The following MAX variants were observed in gnomAD, a reference collection of about 807,000 sequenced individuals.
MAX encodes the protein protein max.
In MAX, 3 loss-of-function variants were observed where a neutral mutation model predicts 22.3. That is an observed-to-expected ratio of 0.13 (90% CI 0.06 to 0.35). The LOEUF is 0.35. Among genes scored for constraint, MAX ranks in the 10% least tolerant of loss-of-function variants. The pLI is 1.00. For synonymous variants in MAX, 72 were observed against 77.7 expected (o/e 0.93, Z 0.39); for missense variants, 119 against 209.4 (o/e 0.57, Z 2.66).
downstream of MAX, among the ~76,000 whole-genome samples, chr14:65,072,683 CTT>C (rs957487620): frequency 3.3e-5 from 5 of 152,220 alleles, no homozygotes; most frequent in African/African-American, 4.8e-5. Flanking sequence ...AAGGATCCCA[CTT>C]TGAGTAACAC....
intron 3 of MAX, among the ~76,000 whole-genome samples, chr14:65,033,181 G>A (rs773668475): frequency 1.3e-5 from 2 of 152,130 alleles, no homozygotes; most frequent in Admixed American, 6.5e-5. Context: ...GAATGAACTA[G>A]AGTTACATGT....
rs1555335876 is a variant in MAX, at chr14:65,037,403, C to CTTTTTTTTTTTTTT, written c.172-31133_172-31120dup. 9.8e-4 allele frequency among the ~76,000 whole-genome samples: 29 copies of CTTTTTTTTTTTTTT among 29,680 alleles called. 4 individuals carry two copies. Among genetic ancestry groups the CTTTTTTTTTTTTTT allele is most frequent in the Non-Finnish European group, 1.8e-3 (24 of 13,694 alleles). 19.5% of individuals were successfully genotyped at this position (29,680 alleles called of 152,430 possible). A position where few individuals can be genotyped will look rare whatever the true frequency, so the allele number is the denominator to read the frequency against. ...TAGGCGTGAGCCACCACGCCGGGCC[C>CTTTTTTTTTTTTTT]TTTTTTTTTTTTTTTTTTTTTTTTT... is the stretch of plus-strand genomic sequence containing the variant. On this transcript the variant is annotated intron_variant, in intron 3 of 3. Transcript: ENST00000341653.
intron 3 of MAX, among the ~76,000 whole-genome samples, chr14:65,066,816 T>G (rs556247012): frequency 6.9e-6 from 1 of 144,384 alleles, no homozygotes; most frequent in South Asian, 2.2e-4. Flanking sequence ...GAGCTGAGAT[T>G]GCACCCTTGC....
In MAX at chr14:65,075,415, A is replaced by T; in HGVS notation, c.*1061T>A. ...TGGAGACAGGTTCCAGGACAGTAGG[A>T]AAGGAAGTGGGATGAGGGCTGGGAA... On this transcript the variant is annotated 3_prime_UTR_variant, in exon 5 of 5. Coordinates refer to ENST00000358664, the MANE Select transcript of MAX (RefSeq NM_002382.5). The surrounding 1 kb of genome is among the most constrained non-coding windows in gnomAD (Gnocchi z 4.1). The T allele has an allele frequency of 9.4e-7, 1 of 1,063,640 alleles. No homozygotes were observed. The highest frequency in any genetic ancestry group is 1.1e-6 in the Non-Finnish European group (1 of 877,924). 65.9% of individuals were successfully genotyped at this position (1,063,640 alleles called of 1,614,324 possible).
At chr14:65,102,616 T>A, upstream of MAX, 1 of 1,284,082 alleles carries the variant, frequency 7.8e-7, no homozygotes, top group Non-Finnish European at 9.9e-7. Flanking sequence ...TTCTTGTCCC[T>A]CTAACAGACG....
At position 65,031,739 on chromosome 14, in the gene MAX, G is replaced by A. The variant is rs2062089155; in HGVS notation, c.172-25455C>T. Among the ~76,000 whole-genome samples, 1 of 152,102 alleles carries A rather than the reference G, an allele frequency of 6.6e-6. No individual in the cohort carries two copies. The highest frequency in any genetic ancestry group is 2.4e-5 in the African/African-American group (1 of 41,454). ...AGTTTGAAACCAGCCTAGCCAACAT[G>A]GCGAAACCCCATCTCCACTAAAAAT... On this transcript the variant is annotated intron_variant, in intron 3 of 3. Coordinates refer to the MAX transcript ENST00000341653. This position sits in a 1 kb window ranked among gnomAD's most constrained non-coding sequence, Gnocchi z 4.6.
rs1296417246 is a variant in MAX, at chr14:65,076,740, G to C, written c.296-77C>G. 1 of 1,568,256 alleles carries C rather than the reference G, an allele frequency of 6.4e-7. No individual in the cohort carries two copies. The highest frequency in any genetic ancestry group is 1.4e-5 in the African/African-American group (1 of 73,938). ...AACCGAGTCTCAGACTCAGGGTCCA[G>C]CCTGTTCTTCCTAAGGGCTTGCTTG... On this transcript the variant is annotated intron_variant, in intron 4 of 4. Coordinates refer to ENST00000358664, the MANE Select transcript of MAX (RefSeq NM_002382.5). The surrounding 1 kb of genome is among the most constrained non-coding windows in gnomAD (Gnocchi z 6.6).
At chr14:65,080,052 G>A (rs368498219) in intron 3 of MAX, among the ~76,000 whole-genome samples, 98 of 152,250 alleles carry the variant, frequency 6.4e-4, no homozygotes, top group African/African-American at 2.2e-3. Flanking sequence ...AATATCACAG[G>A]GCAGTGCTGA....
chr14:65,069,359 C>T lies in MAX; in HGVS notation c.171+24349G>A, dbSNP rs2062963642. On this transcript the variant is annotated intron_variant, in intron 3 of 3. Transcript: ENST00000341653. This position sits in a 1 kb window ranked among gnomAD's most constrained non-coding sequence, Gnocchi z 4.6. Reference sequence around the variant, plus strand: ...GCTTGAGAAGCGATGACCTGGTGGCCCTGCCCCTCCCATAGTGCCAAACCG... The same window carrying T: ...GCTTGAGAAGCGATGACCTGGTGGCTCTGCCCCTCCCATAGTGCCAAACCG... 1.3e-5 allele frequency among the ~76,000 whole-genome samples: 2 copies of T among 152,124 alleles called. No individual in the cohort carries two copies.
At chr14:65,034,358 T>G (rs550438048) in intron 3 of MAX, among the ~76,000 whole-genome samples, 3 of 152,340 alleles carry the variant, frequency 2.0e-5, no homozygotes, top group Admixed American at 6.5e-5. Context: ...AGTATTGTAC[T>G]CCAACAGATC....
rs1052497739 is a variant in MAX, at chr14:65,007,817, G to A, written c.172-1533C>T. Among the ~76,000 whole-genome samples the A allele has an allele frequency of 6.6e-6, 1 of 152,076 alleles. No individual in the cohort carries two copies. Among genetic ancestry groups the A allele is most frequent in the Non-Finnish European group, 1.5e-5 (1 of 68,022 alleles). On this transcript the variant is annotated intron_variant, in intron 3 of 3. Coordinates refer to the MAX transcript ENST00000341653. The surrounding 1 kb of genome is among the most constrained non-coding windows in gnomAD (Gnocchi z 4.9). Reference sequence around the variant, plus strand: ...AATGCATAAACTACACAGATACCTCGCTCACATGTAGTTTTTAAATTTGTT... The same window carrying A: ...AATGCATAAACTACACAGATACCTCACTCACATGTAGTTTTTAAATTTGTT...
In MAX at chr14:65,075,588, G is replaced by C; in HGVS notation, c.*888C>G. 9.4e-7 allele frequency: 1 copy of C among 1,066,090 alleles called. No individual in the cohort carries two copies. The highest frequency in any genetic ancestry group is 1.1e-6 in the Non-Finnish European group (1 of 879,550). 66.0% of individuals were successfully genotyped at this position (1,066,090 alleles called of 1,614,324 possible). A position where few individuals can be genotyped will look rare whatever the true frequency, so the allele number is the denominator to read the frequency against. On this transcript the variant is annotated 3_prime_UTR_variant, in exon 5 of 5. Coordinates refer to ENST00000358664, the MANE Select transcript of MAX (RefSeq NM_002382.5). This position sits in a 1 kb window ranked among gnomAD's most constrained non-coding sequence, Gnocchi z 4.1. ...TATGAATCTGTCGCTTTGCAAGACC[G>C]ACATCATCAGAAATAGGTACAATTC...
At chr14:65,094,038 G>A in intron 2 of MAX, 1 of 583,424 alleles carries the variant, frequency 1.7e-6, no homozygotes, top group South Asian at 1.9e-5. Context: ...AAAGTAGCTC[G>A]ATGCATCCAG....
In MAX at chr14:65,051,944, A is replaced by G. The variant is rs1005985180; in HGVS notation, c.171+41764T>C. 5.4e-4 allele frequency among the ~76,000 whole-genome samples: 82 copies of G among 151,746 alleles called. 1 individual carries two copies. Among genetic ancestry groups the G allele is most frequent in the Middle Eastern group, 3.4e-3 (1 of 294 alleles). ...TGAGTAGCTGGGACTACAGGCGCCC[A>G]CCACCATGTCCGGCTAATTTTTTTG... On this transcript the variant is annotated intron_variant, in intron 3 of 3. Transcript: ENST00000341653.
chr14:65,046,091 C>A (rs1046877680), intron 3 of MAX, among the ~76,000 whole-genome samples: 1 of 152,144 alleles, frequency 6.6e-6, no homozygotes, highest in Admixed American at 6.5e-5. Flanking sequence ...ATTCTCCTGC[C>A]TTAGCCTCCT....
Position 65,077,394 on chromosome 14 carries a change from C to G in MAX, c.295+519G>C. ...GAGGGAGGAAGAGAAGTGAATTCCC[C>G]AGGAACAAAGAACTTGATCAGCTCT... On this transcript the variant is annotated intron_variant, in intron 4 of 4. Transcript: ENST00000358664. This position sits in a 1 kb window ranked among gnomAD's most constrained non-coding sequence, Gnocchi z 6.3. The G allele has an allele frequency of 6.2e-7, 1 of 1,613,990 alleles. No individual in the cohort carries two copies. Among genetic ancestry groups the G allele is most frequent in the Non-Finnish European group, 8.5e-7 (1 of 1,179,898 alleles).
At chr14:65,100,406 C>T (rs1333532903) in intron 2 of MAX, among the ~76,000 whole-genome samples, 4 of 152,044 alleles carry the variant, frequency 2.6e-5, no homozygotes, top group African/African-American at 4.8e-5. Context: ...GCCGAGATAG[C>T]GCCATTGCAC....
At chr14:65,067,050 G>GCCTCAC (rs2062938669) in intron 3 of MAX, among the ~76,000 whole-genome samples, 4 of 151,394 alleles carry the variant, frequency 2.6e-5, no homozygotes, top group Middle Eastern at 3.2e-3. Flanking sequence ...GTCGGATGCG[G>GCCTCAC]TGGCACACAC....
At chr14:65,072,847 G>A (rs538462267), downstream of MAX, among the ~76,000 whole-genome samples, 13 of 152,340 alleles carry the variant, frequency 8.5e-5, 1 homozygote, top group East Asian at 7.7e-4. Context: ...CTTTAGTCTC[G>A]AAGAGTTTGT....
Sources: allele counts gnomAD v4.1 joint callset (sites outside exome capture counted in the v4.1 genomes callset), GRCh38; gene constraint gnomAD v4.1.1; non-coding constraint Gnocchi (gnomAD v3.1); transcripts MANE v1.5; gene names NCBI Gene and HGNC (gene_info 2026-07-23, HGNC 2026-07-21).